The following SERHL2 variants were observed in gnomAD, a reference collection of about 807,000 sequenced individuals.
SERHL2 encodes the protein serine hydrolase like 2.
In SERHL2, 29 loss-of-function variants were observed where a neutral mutation model predicts 25.5. That is an observed-to-expected ratio of 1.14 (90% CI 0.85 to 1.55). The LOEUF (loss-of-function observed/expected upper bound fraction) is 1.55. Ranked by LOEUF, SERHL2 falls within the 40% of genes most tolerant of loss-of-function variation. SERHL2 has a pLI of 0.00. For missense variants in SERHL2, 240 were observed against 252.3 expected, an observed-to-expected ratio of 0.95 and a Z score of 0.33; for synonymous variants, 95 against 103.5, an observed-to-expected ratio of 0.92 and a Z score of 0.50.
chr22:42,554,109 G>C, intron 1 of SERHL2, 67 bp downstream of exon 1: 1 of 1,574,632 alleles, frequency 6.4e-7, no homozygotes, highest in Non-Finnish European at 8.7e-7. Context: ...GTAGAAGAGG[G>C]CGGGATGGAG....
chr22:42,572,952 G>A (rs570067850), intron 11 of SERHL2, among the ~76,000 whole-genome samples: 2 of 151,946 alleles, frequency 1.3e-5, no homozygotes, highest in Non-Finnish European at 2.9e-5. Flanking sequence ...TTGTAGATGG[G>A]AGCCACCATA....
intron 11 of SERHL2, chr22:42,573,305 C>CCGATCTCGG (rs1569286541): frequency 6.6e-6 from 1 of 150,848 alleles, no homozygotes; most frequent in African/African-American, 2.4e-5. Flanking sequence ...GGGCAGTGGC[C>CCGATCTCGG]CGATCTCGGC....
intron 8 of SERHL2, among the ~76,000 whole-genome samples, chr22:42,564,131 T>C (rs60565735): frequency 0.1 from 15,303 of 151,670 alleles, 1,573 homozygotes; most frequent in East Asian, 0.59. Context: ...ATTTGAGTCA[T>C]AGTTAAAAGG....
At chr22:42,572,351 G>T in intron 10 of SERHL2, 85 bp from the exon 11 acceptor site, 4 of 985,246 alleles carry the variant, frequency 4.1e-6, no homozygotes, top group Admixed American at 1.9e-5. Context: ...TCTCCTCAGA[G>T]GCCTGAACCC....
In SERHL2 at chr22:42,574,261, G is replaced by A. The variant is rs1924691145; in HGVS notation, c.*206G>A. ...GGGGAGACAGAGTCTGGGTTCCAGG[G>A]CTGCTTTCTCCTGGCTAATAATAAA... On this transcript the variant is annotated 3_prime_UTR_variant, in exon 12 of 12. Coordinates refer to ENST00000327678, the MANE Select transcript of SERHL2 (RefSeq NM_014509.5). The A allele has an allele frequency of 1.2e-5, 7 of 581,638 alleles. No individual in the cohort carries two copies. The highest frequency in any genetic ancestry group is 1.8e-5 in the Non-Finnish European group (6 of 331,346). The allele number at this position is 581,638 out of a possible 1,614,324, so 36.0% of individuals were successfully genotyped here.
intron 7 of SERHL2, 102 bp from the exon 8 acceptor site, chr22:42,560,084 T>C (rs1922489691): frequency 1.2e-6 from 1 of 845,510 alleles, no homozygotes; most frequent in Non-Finnish European, 2.0e-6. Context: ...AGTGCTGGGA[T>C]TACAGGCATG....
chr22:42,569,839 T>TTGTGTGTGTGTGTGTGTGTG (rs58527778), intron 9 of SERHL2: 14 of 146,756 alleles, frequency 9.5e-5, no homozygotes, highest in Non-Finnish European at 1.8e-4. Flanking sequence ...TCATAGCAAT[T>TTGTGTGTGTGTGTGTGTGTG]TGTGTGTGTG....
intron 9 of SERHL2, among the ~76,000 whole-genome samples, chr22:42,570,332 G>A (rs538806686): frequency 1.3e-5 from 2 of 152,106 alleles, no homozygotes; most frequent in South Asian, 2.1e-4. Context: ...CAGGAGAATC[G>A]CTTGAACCCA....
In SERHL2 at chr22:42,572,437, G is replaced by T. The variant is rs776612684; in HGVS notation, c.733G>T (p.Ala245Ser). 6.2e-7 allele frequency: 1 copy of T among 1,607,840 alleles called. No homozygotes were observed. Among genetic ancestry groups the T allele is most frequent in the East Asian group, 2.2e-5 (1 of 44,812 alleles). ...KLQAHVLLIK[A>S]VHGYFDSRQN... ...AACCCCCAACTCCTCACTTTCCAGA[G>T]CAGTCCACGGATATTTTGATTCAAG... The change falls in exon 11 of 12, where the codon GCA (alanine) becomes TCA (serine). Residue 245 changes from alanine to serine, a missense_variant and splice_region_variant. Physicochemically the swap from Ala to Ser is moderately conservative, Grantham distance 99. Transcript: ENST00000327678.
In SERHL2 at chr22:42,554,058, C is replaced by T; in HGVS notation, c.22+16C>T. On this transcript the variant is annotated intron_variant, in intron 1 of 11. Transcript: ENST00000327678. The stretch of plus-strand genomic sequence containing the variant: ...GCCGCACCAGGTCTGACGGGGAGGC[C>T]TTGTGCGAGCGTCCCACTGCCCACC... 1 of 1,612,692 alleles carries T rather than the reference C, an allele frequency of 6.2e-7. No individual in the cohort carries two copies. The highest frequency in any genetic ancestry group is 2.2e-5 in the East Asian group (1 of 44,824).
chr22:42,556,563 C>T lies in SERHL2; in HGVS notation c.398C>T (p.Thr133Met), dbSNP rs138994162. 1,905 of 1,604,508 alleles carry T rather than the reference C, an allele frequency of 1.2e-3. 2 individuals are homozygous for T. The highest frequency in any genetic ancestry group is 8.3e-3 in the South Asian group (743 of 90,040). The part of the protein sequence containing the change: ...EMVDKLILLD[T>M]PLFLLESDEM... ...GTGGATAAACTTATCTTGCTGGACA[C>T]GCCGCTCTTTCTCCTGGAATCAGAT... is the stretch of plus-strand genomic sequence containing the variant. The change falls in exon 6 of 12, where the codon ACG becomes ATG. Residue 133 changes from threonine (T) to methionine (M), a missense_variant. Transcript: ENST00000327678.
intron 8 of SERHL2, among the ~76,000 whole-genome samples, chr22:42,563,794 C>T (rs1277892820): frequency 1.3e-5 from 2 of 151,916 alleles, no homozygotes; most frequent in Non-Finnish European, 2.9e-5. Flanking sequence ...GATTTCTAGA[C>T]CAGGCACAGT....
chr22:42,569,261 T>TTTATTTATTTATTTA (rs1923829327), intron 9 of SERHL2: 1 of 151,524 alleles, frequency 6.6e-6, no homozygotes, highest in South Asian at 2.1e-4. Flanking sequence ...CTACCTTCTA[T>TTTATTTATTTATTTA]TTATTTATTT....
chr22:42,560,536 G>A (rs989134714), intron 8 of SERHL2, among the ~76,000 whole-genome samples: 1 of 151,876 alleles, frequency 6.6e-6, no homozygotes, highest in East Asian at 1.9e-4. Flanking sequence ...CTAAATGTTG[G>A]TGAATGTCAC....
In SERHL2 at chr22:42,554,016, G is replaced by A. The variant is rs368336101; in HGVS notation, c.-5G>A. ...TGACAGCAGCGCATTCGCGGGACGA[G>A]AGCGATGAGTGAGAACGCCGCACCA... On this transcript the variant is annotated 5_prime_UTR_variant, in exon 1 of 12. Transcript: ENST00000327678. The A allele has an allele frequency of 1.5e-5, 24 of 1,613,608 alleles. No individual in the cohort carries two copies. In the East Asian group the frequency reaches 2.7e-4, roughly 18 times the overall value.
At chr22:42,560,706 C>T (rs1046222602) in intron 8 of SERHL2, among the ~76,000 whole-genome samples, 2 of 151,916 alleles carry the variant, frequency 1.3e-5, no homozygotes, top group African/African-American at 2.4e-5. Context: ...GATTTGTGTA[C>T]TTTGCTTTTT....
intron 8 of SERHL2, among the ~76,000 whole-genome samples, chr22:42,562,223 T>G (rs559726947): frequency 9.9e-5 from 15 of 151,904 alleles, no homozygotes; most frequent in Non-Finnish European, 2.1e-4. Flanking sequence ...TGTAGGTTCC[T>G]CCCAAATGCT....
Position 42,560,268 on chromosome 22 carries a change from A to C in SERHL2, c.613+3A>C, listed in dbSNP as rs1357279114. 1 of 1,602,996 alleles carries C rather than the reference A, an allele frequency of 6.2e-7. No homozygotes were observed. Among genetic ancestry groups the C allele is most frequent in the African/African-American group, 1.3e-5 (1 of 74,744 alleles). On this transcript the variant is annotated splice_donor_region_variant and intron_variant, in intron 8 of 11. Transcript: ENST00000327678. ...AGGAACCACGAAGGTGGCCACAGGTAAGGGACTCTACTGTCCAAGGCCATT... is the reference window on the plus strand; with the variant it reads ...AGGAACCACGAAGGTGGCCACAGGTCAGGGACTCTACTGTCCAAGGCCATT...
intron 9 of SERHL2, among the ~76,000 whole-genome samples, chr22:42,568,024 TC>T (rs1482980707): frequency 6.6e-6 from 1 of 151,454 alleles, no homozygotes; most frequent in African/African-American, 2.4e-5. Flanking sequence ...GCCACAGTGT[TC>T]GGTCTATTTG....
Sources: gnomAD v4.1 joint callset for allele counts (sites outside exome capture counted in the v4.1 genomes callset) on GRCh38, gnomAD v4.1.1 for gene constraint, MANE v1.5 for transcripts, NCBI Gene and HGNC (gene_info 2026-07-23, HGNC 2026-07-21) for gene names.